POLR2F: variants seen among roughly 807,000 people sequenced by gnomAD.
POLR2F encodes RNA polymerase II, I and III subunit F.
POLR2F carries 12 observed loss-of-function variants against 22.7 expected under a neutral mutation model. The ratio of observed to expected loss-of-function variants is 0.53; its 90% CI spans 0.34 to 0.86. The LOEUF (loss-of-function observed/expected upper bound fraction) is 0.86, where lower values mean the gene tolerates loss of function less well. Ranked by LOEUF, POLR2F falls within the 40% of genes least tolerant of loss-of-function variation. The probability of loss-of-function intolerance (pLI) is 0.02; values close to 1 mark genes in which losing one functional copy is unlikely to be tolerated. For synonymous variants in POLR2F, 57 were observed against 66.0 expected (o/e 0.86, Z 0.66); for missense variants, 126 against 171.5 (o/e 0.73, Z 1.48).
intron 3 of POLR2F, among the ~76,000 whole-genome samples, chr22:37,960,951 C>A (rs906813693): frequency 1.3e-5 from 2 of 151,622 alleles, no homozygotes; most frequent in African/African-American, 2.4e-5. Context: ...TAGGATCACG[C>A]CATTCTCCTG....
intron 1 of POLR2F, among the ~76,000 whole-genome samples, chr22:38,020,206 T>TACACACAC (rs112285508): frequency 0.011 from 1,584 of 144,784 alleles, 21 homozygotes; most frequent in African/African-American, 0.026. Flanking sequence ...CACACATATA[T>TACACACAC]ACACACACAC....
chr22:38,035,334 T>G (rs576895077), intron 5 of POLR2F, among the ~76,000 whole-genome samples: 2 of 152,206 alleles, frequency 1.3e-5, no homozygotes, highest in East Asian at 3.9e-4. Flanking sequence ...CTCAGCACCA[T>G]CCTATGGGAC....
At chr22:37,983,883 G>A (rs1932489476), upstream of POLR2F, 1 of 1,122,646 alleles carries the variant, frequency 8.9e-7, no homozygotes, top group East Asian at 4.3e-5. This position sits in a 1 kb window ranked among gnomAD's most constrained non-coding sequence, Gnocchi z 9.5. Flanking sequence ...ATGGAAGGAG[G>A]GCGCGATGGA....
At chr22:37,995,384 C>T (rs895798636) in intron 1 of POLR2F, among the ~76,000 whole-genome samples, 1 of 152,144 alleles carries the variant, frequency 6.6e-6, no homozygotes, top group African/African-American at 2.4e-5. Flanking sequence ...CATGGAGAGT[C>T]CCCTCACATC....
At chr22:38,005,958 C>T (rs995133635) in intron 1 of POLR2F, among the ~76,000 whole-genome samples, 3 of 152,188 alleles carry the variant, frequency 2.0e-5, no homozygotes, top group Non-Finnish European at 2.9e-5. Context: ...TGTGGTGGCT[C>T]ACGCTTGTAA....
At position 37,986,659 on chromosome 22, in the gene POLR2F, T is replaced by G; in HGVS notation, c.120+347T>G. The G allele has an allele frequency of 1.8e-6, 1 of 561,024 alleles. No homozygotes were observed. The allele number at this position is 561,024 out of a possible 1,614,324, so 34.8% of individuals were successfully genotyped here. On this transcript the variant is annotated intron_variant, in intron 1 of 2. Coordinates refer to the POLR2F transcript ENST00000333418. This position sits in a 1 kb window ranked among gnomAD's most constrained non-coding sequence, Gnocchi z 4.7. The stretch of plus-strand genomic sequence containing the variant: ...CACTGCCTTCCTCTCAGGGCTGTGC[T>G]GGGCTTTTTGCTGAGCAGTGTTGGG...
In POLR2F at chr22:38,038,881, T is replaced by G. The variant is rs1195309888; in HGVS notation, c.453-2187T>G. ...AGCGCCTGCACTGGCGGCCGCCATCTTGCGAGCGGCCCTCAGGGCGGCCTG... is the reference window on the plus strand; with the variant it reads ...AGCGCCTGCACTGGCGGCCGCCATCGTGCGAGCGGCCCTCAGGGCGGCCTG... On this transcript the variant is annotated intron_variant, in intron 5 of 5. Coordinates refer to the POLR2F transcript ENST00000407936. Among the ~76,000 whole-genome samples the G allele has an allele frequency of 3.3e-5, 5 of 151,118 alleles. No individual in the cohort carries two copies. The East Asian group carries it at 9.9e-4, about 30-fold the overall frequency.
At chr22:37,967,546 T>G (rs1303413536) in intron 4 of POLR2F, 79 bp from the exon 5 acceptor site, 12 of 1,574,922 alleles carry the variant, frequency 7.6e-6, no homozygotes, top group Non-Finnish European at 8.6e-6. Context: ...TTGCTTGTGT[T>G]TTGCACACAA....
intron 1 of POLR2F, among the ~76,000 whole-genome samples, chr22:37,954,725 C>G (rs1166520294): frequency 1.3e-5 from 2 of 152,110 alleles, no homozygotes; most frequent in Non-Finnish European, 2.9e-5. Flanking sequence ...CAAAAATTAC[C>G]TGTGGGATAT....
chr22:38,012,628 G>A (rs539030001), intron 1 of POLR2F, among the ~76,000 whole-genome samples: 30 of 152,196 alleles, frequency 2.0e-4, no homozygotes, highest in Admixed American at 1.2e-3. Flanking sequence ...GATCCAAGCC[G>A]GAATCCCACG....
chr22:37,987,862 T>C (rs1932627162), intron 1 of POLR2F: 3 of 157,352 alleles, frequency 1.9e-5, no homozygotes, highest in South Asian at 3.9e-4. Flanking sequence ...TCACAGGGCC[T>C]GGCTTGCGGA....
chr22:38,007,154 C>G (rs945291390), intron 1 of POLR2F, among the ~76,000 whole-genome samples: 20 of 152,186 alleles, frequency 1.3e-4, no homozygotes, highest in African/African-American at 4.8e-4. Flanking sequence ...ACCCTGAAAG[C>G]CTGAGGGAAG....
intron 1 of POLR2F, among the ~76,000 whole-genome samples, chr22:38,011,891 C>T (rs1741151193): frequency 6.6e-6 from 1 of 151,642 alleles, no homozygotes; most frequent in Middle Eastern, 3.2e-3. Flanking sequence ...TTTTTTGATC[C>T]ATGAATGTGG....
downstream of POLR2F, chr22:37,973,200 G>A (rs1159292187): frequency 2.6e-6 from 1 of 379,810 alleles, no homozygotes. Context: ...CTCAGGTCCT[G>A]GGATAGAGGG....
intron 3 of POLR2F, among the ~76,000 whole-genome samples, chr22:37,963,975 G>A (rs956363251): frequency 2.0e-5 from 3 of 152,024 alleles, no homozygotes; most frequent in Non-Finnish European, 4.4e-5. Context: ...GGTGGCGCGC[G>A]CCTATAATCC....
intron 1 of POLR2F, among the ~76,000 whole-genome samples, chr22:38,020,671 G>T (rs186902491): frequency 1.3e-5 from 2 of 151,870 alleles, no homozygotes; most frequent in African/African-American, 4.8e-5. Context: ...GAGCCCAGGG[G>T]ATCAAGACTG....
At chr22:37,964,781 C>T (rs968619524) in intron 3 of POLR2F, among the ~76,000 whole-genome samples, 13 of 151,976 alleles carry the variant, frequency 8.6e-5, no homozygotes, top group Non-Finnish European at 1.8e-4. Context: ...CCATGTTGGT[C>T]GGGCTGGTCT....
chr22:37,968,647 A>G lies in POLR2F; in HGVS notation c.*932A>G. The G allele has an allele frequency of 1.0e-6, 1 of 985,308 alleles. No homozygotes were observed. Among genetic ancestry groups the G allele is most frequent in the Middle Eastern group, 5.2e-4 (1 of 1,912 alleles). The allele number at this position is 985,308 out of a possible 1,614,324, so 61.0% of individuals were successfully genotyped here. ...AGTCACACTGGCTCCTCCCTCCTAG[A>G]GGGGGTCAGGGGGAGGGTGTATATT... is the stretch of plus-strand genomic sequence containing the variant. On this transcript the variant is annotated 3_prime_UTR_variant, in exon 5 of 5. Coordinates refer to ENST00000442738, the MANE Select transcript of POLR2F (RefSeq NM_021974.5).
intron 1 of POLR2F, among the ~76,000 whole-genome samples, chr22:38,015,586 G>A (rs530091910): frequency 6.6e-6 from 1 of 152,300 alleles, no homozygotes; most frequent in South Asian, 2.1e-4. Context: ...AAAGATTCCT[G>A]GATTTGGAGT....
Sources: allele counts gnomAD v4.1 joint callset (sites outside exome capture counted in the v4.1 genomes callset), GRCh38; gene constraint gnomAD v4.1.1; non-coding constraint Gnocchi (gnomAD v3.1); transcripts MANE v1.5; gene names NCBI Gene and HGNC (gene_info 2026-07-23, HGNC 2026-07-21).